HRH1: variants seen among roughly 807,000 people sequenced by gnomAD.
HRH1 encodes histamine receptor H1.
A neutral mutation model predicts 10.3 loss-of-function variants in HRH1; 6 were observed. That is an observed-to-expected ratio of 0.58 (90% CI 0.32 to 1.15). HRH1 has a LOEUF of 1.15. HRH1 is among the 50% of genes most tolerant of loss of function. The pLI is 0.05. For missense variants in HRH1, 514 were observed against 615.3 expected, an observed-to-expected ratio of 0.84 and a Z score of 1.74; for synonymous variants, 242 against 236.7, an observed-to-expected ratio of 1.02 and a Z score of -0.21.
At chr3:11,165,108 C>A (rs1433728952) in intron 1 of HRH1, among the ~76,000 whole-genome samples, 1 of 152,198 alleles carries the variant, frequency 6.6e-6, no homozygotes, top group East Asian at 1.9e-4. Context: ...AGTGCTAAGA[C>A]AGTCTCAGAG....
At chr3:11,219,479 C>T (rs1258272578) in intron 1 of HRH1, among the ~76,000 whole-genome samples, 3 of 151,686 alleles carry the variant, frequency 2.0e-5, no homozygotes, top group Non-Finnish European at 2.9e-5. Flanking sequence ...TTTGGGAGGC[C>T]GAGGCGGGCG....
intron 1 of HRH1, among the ~76,000 whole-genome samples, chr3:11,167,182 C>T (rs1159482510): frequency 0.013 from 545 of 42,640 alleles, no homozygotes; most frequent in Middle Eastern, 0.022. Context: ...GTCCCCTGGC[C>T]TCTCCAGGCC....
At chr3:11,221,139 A>G (rs753741749) in intron 1 of HRH1, among the ~76,000 whole-genome samples, 1 of 152,230 alleles carries the variant, frequency 6.6e-6, no homozygotes, top group Non-Finnish European at 1.5e-5. Flanking sequence ...AATTCCCAGG[A>G]GGATTTCTTC....
At chr3:11,149,331 A>G (rs1574972872) in intron 1 of HRH1, among the ~76,000 whole-genome samples, 1 of 152,256 alleles carries the variant, frequency 6.6e-6, no homozygotes, top group Non-Finnish European at 1.5e-5. Context: ...GCATATAAAT[A>G]GAAGCCCACT....
At chr3:11,199,158 C>G (rs1937800107) in intron 1 of HRH1, among the ~76,000 whole-genome samples, 1 of 152,064 alleles carries the variant, frequency 6.6e-6, no homozygotes, top group African/African-American at 2.4e-5. Flanking sequence ...GGAGGCTGGT[C>G]TTGAACTCCT....
intron 1 of HRH1, among the ~76,000 whole-genome samples, chr3:11,196,313 C>T (rs1020696569): frequency 6.6e-6 from 1 of 152,212 alleles, no homozygotes; most frequent in African/African-American, 2.4e-5. Context: ...CCTTTCCTCC[C>T]TCTTCAGCCT....
At chr3:11,147,404 G>C (rs763182054) in intron 1 of HRH1, among the ~76,000 whole-genome samples, 12 of 152,268 alleles carry the variant, frequency 7.9e-5, no homozygotes, top group African/African-American at 2.6e-4. Context: ...ATAGGACTAT[G>C]AACATCCCAC....
chr3:11,255,287 A>G (rs190059231), intron 1 of HRH1, among the ~76,000 whole-genome samples: 21 of 152,296 alleles, frequency 1.4e-4, no homozygotes, highest in Admixed American at 1.4e-3. Flanking sequence ...AACGTAAAAT[A>G]AAAAATGGTT....
intron 1 of HRH1, chr3:11,234,124 A>G (rs1445211200): frequency 3.2e-6 from 2 of 624,078 alleles, no homozygotes; most frequent in Admixed American, 6.0e-5. Context: ...GATCATCAAA[A>G]TAAGTTATTT....
At chr3:11,222,251 G>T (rs1938732782) in intron 1 of HRH1, among the ~76,000 whole-genome samples, 1 of 152,146 alleles carries the variant, frequency 6.6e-6, no homozygotes, top group Non-Finnish European at 1.5e-5. Context: ...GTGAGGGTGG[G>T]TGCAGCCACA....
At position 11,154,924 on chromosome 3, in the gene HRH1, C is replaced by T. The variant is rs1341659222; in HGVS notation, c.-36+370C>T. Among the ~76,000 whole-genome samples, 3 of 152,204 alleles carry T rather than the reference C, an allele frequency of 2.0e-5. No individual in the cohort carries two copies. In the East Asian group the frequency reaches 5.8e-4, roughly 29 times the overall value. ...CCCCAGGGTCTGAGTTCGCTGCTAACCGTAGTGCCAGCCCATTGGTTGAGT... is the reference window on the plus strand; with the variant it reads ...CCCCAGGGTCTGAGTTCGCTGCTAATCGTAGTGCCAGCCCATTGGTTGAGT... On this transcript the variant is annotated intron_variant, in intron 1 of 1. Transcript: ENST00000431010. This position sits in a 1 kb window ranked among gnomAD's most constrained non-coding sequence, Gnocchi z 4.4.
At chr3:11,255,796 A>C (rs1302440674) in intron 1 of HRH1, among the ~76,000 whole-genome samples, 2 of 152,230 alleles carry the variant, frequency 1.3e-5, no homozygotes, top group African/African-American at 4.8e-5. Flanking sequence ...AGGCAATCAG[A>C]TATGCATTTA....
At chr3:11,164,234 G>T (rs1180621933) in intron 1 of HRH1, among the ~76,000 whole-genome samples, 1 of 152,214 alleles carries the variant, frequency 6.6e-6, no homozygotes, top group African/African-American at 2.4e-5. Context: ...GCCTTAGAGA[G>T]CGACAGGGAG....
At chr3:11,182,962 C>A (rs534505405) in intron 1 of HRH1, among the ~76,000 whole-genome samples, 1 of 152,276 alleles carries the variant, frequency 6.6e-6, no homozygotes, top group South Asian at 2.1e-4. Flanking sequence ...AGCACTTTTC[C>A]CTTTTTTTCC....
At chr3:11,240,481 T>A (rs1314350596) in intron 1 of HRH1, among the ~76,000 whole-genome samples, 1 of 151,896 alleles carries the variant, frequency 6.6e-6, no homozygotes, top group Non-Finnish European at 1.5e-5. Context: ...TCCCTACCAC[T>A]CCCTCTTGCT....
At chr3:11,194,902 A>T (rs1252129963) in intron 1 of HRH1, among the ~76,000 whole-genome samples, 4 of 152,098 alleles carry the variant, frequency 2.6e-5, no homozygotes, top group Admixed American at 2.6e-4. Context: ...CCAGTTTGAT[A>T]TTTTTTTTCT....
At chr3:11,255,827 ACTTC>A (rs1939768033) in intron 1 of HRH1, among the ~76,000 whole-genome samples, 1 of 152,242 alleles carries the variant, frequency 6.6e-6, no homozygotes, top group Non-Finnish European at 1.5e-5. Context: ...CAGAGGTCTG[ACTTC>A]GAACAGAATG....
At chr3:11,222,871 T>A (rs1350458979) in intron 1 of HRH1, among the ~76,000 whole-genome samples, 1 of 152,116 alleles carries the variant, frequency 6.6e-6, no homozygotes, top group African/African-American at 2.4e-5. Flanking sequence ...GATTTTCTCT[T>A]TTCAGAGCCA....
Position 11,215,208 on chromosome 3 carries a change from C to A in HRH1, c.-35-43795C>A, listed in dbSNP as rs1938447891. On this transcript the variant is annotated intron_variant, in intron 1 of 1. Transcript: ENST00000431010. Reference sequence around the variant, plus strand: ...GTAATTTAACACTTGTTTAAGGCATCTTCTCCAAATATTTGACTTTGCTCC... The same window carrying A: ...GTAATTTAACACTTGTTTAAGGCATATTCTCCAAATATTTGACTTTGCTCC... 2.0e-5 allele frequency among the ~76,000 whole-genome samples: 3 copies of A among 152,194 alleles called. 1 individual carries two copies. The highest frequency in any genetic ancestry group is 7.2e-5 in the African/African-American group (3 of 41,452).
Sources: gnomAD v4.1 joint callset for allele counts (sites outside exome capture counted in the v4.1 genomes callset) on GRCh38, gnomAD v4.1.1 for gene constraint, Gnocchi (gnomAD v3.1) non-coding constraint, MANE v1.5 for transcripts, NCBI Gene and HGNC (gene_info 2026-07-23, HGNC 2026-07-21) for gene names.